Variants in RPIA observed in about 807,000 individuals in gnomAD.
The protein encoded by RPIA is ribose 5-phosphate isomerase A.
Under a neutral mutation model 37.8 loss-of-function variants are expected in RPIA, and 29 were observed. The ratio of observed to expected loss-of-function variants is 0.77; its 90% confidence interval spans 0.57 to 1.05. The LOEUF is 1.05. RPIA is among the 50% of genes least tolerant of loss of function. The probability of loss-of-function intolerance (pLI) is 0.00; values close to 1 mark genes in which losing one functional copy is unlikely to be tolerated. For synonymous variants in RPIA, 167 were observed against 157.0 expected (o/e 1.06, Z -0.48); for missense variants, 385 against 413.6 (o/e 0.93, Z 0.60).
At chr2:88,736,174 A>G (rs1459850259) in intron 6 of RPIA, among the ~76,000 whole-genome samples, 2 of 152,206 alleles carry the variant, frequency 1.3e-5, no homozygotes, top group African/African-American at 4.8e-5. Context: ...GTCTTTGACC[A>G]GGCTCTCAGA....
intron 3 of RPIA, among the ~76,000 whole-genome samples, chr2:88,711,039 G>A (rs1219909522): frequency 6.6e-6 from 1 of 152,222 alleles, no homozygotes; most frequent in Non-Finnish European, 1.5e-5. Context: ...CCTGTTGATG[G>A]TGAAGCTCTT....
intron 3 of RPIA, 101 bp downstream of exon 3, chr2:88,700,165 C>A (rs1672810801): frequency 2.7e-6 from 3 of 1,127,174 alleles, no homozygotes; most frequent in Non-Finnish European, 2.7e-6. Flanking sequence ...CAAGGTTGTT[C>A]TAGGTCAGAG....
At chr2:88,736,214 C>G (rs773231060) in intron 6 of RPIA, among the ~76,000 whole-genome samples, 1 of 152,202 alleles carries the variant, frequency 6.6e-6, no homozygotes, top group Admixed American at 6.5e-5. Flanking sequence ...GTCAAAAGCA[C>G]TTGTGCTGAG....
At chr2:88,694,312 G>T (rs577444897) in intron 1 of RPIA, among the ~76,000 whole-genome samples, 37 of 152,298 alleles carry the variant, frequency 2.4e-4, no homozygotes, top group African/African-American at 8.2e-4. Flanking sequence ...TGCAATTCCT[G>T]GTCTCTTTCA....
intron 1 of RPIA, among the ~76,000 whole-genome samples, chr2:88,698,084 CT>C (rs551033597): frequency 0.049 from 6,743 of 137,858 alleles, 186 homozygotes; most frequent in Non-Finnish European, 0.065. Flanking sequence ...TTCTTTCTTT[CT>C]TTTTTTTTTT....
Position 88,750,367 on chromosome 2 carries a change from A to C in RPIA, c.*289A>C. On this transcript the variant is annotated 3_prime_UTR_variant, in exon 9 of 9. Coordinates refer to ENST00000283646, the MANE Select transcript of RPIA (RefSeq NM_144563.3). Reference sequence around the variant, plus strand: ...ATATGAAATATTTACCAAAAAAAAAAAATGAGGTAAACTGTATTTAAAACC... The same window carrying C: ...ATATGAAATATTTACCAAAAAAAAACAATGAGGTAAACTGTATTTAAAACC... 1 of 420,864 alleles carries C rather than the reference A, an allele frequency of 2.4e-6. No homozygotes were observed. The highest frequency in any genetic ancestry group is 4.2e-6 in the Non-Finnish European group (1 of 238,462). The allele number at this position is 420,864 out of a possible 1,614,324, so 26.1% of individuals were successfully genotyped here.
At chr2:88,728,141 T>TAA (rs1247011718) in intron 3 of RPIA, among the ~76,000 whole-genome samples, 6 of 152,216 alleles carry the variant, frequency 3.9e-5, no homozygotes, top group Non-Finnish European at 8.8e-5. Flanking sequence ...ACAACAATAC[T>TAA]AAAAAGAGCA....
intron 8 of RPIA, 26 bp downstream of exon 8, chr2:88,738,102 A>G (rs757359784): frequency 2.6e-6 from 4 of 1,525,448 alleles, no homozygotes; most frequent in Non-Finnish European, 3.6e-6. Flanking sequence ...TTCACCAGTC[A>G]TATACACACC....
At chr2:88,740,433 A>AT (rs1178858958) in intron 8 of RPIA, among the ~76,000 whole-genome samples, 1 of 152,048 alleles carries the variant, frequency 6.6e-6, no homozygotes, top group Non-Finnish European at 1.5e-5. Context: ...ATCTTTTCTC[A>AT]TTTTTTCTTT....
In RPIA at chr2:88,691,892, C is replaced by T; in HGVS notation, c.194C>T (p.Ser65Phe). The T allele has an allele frequency of 7.5e-6, 12 of 1,596,482 alleles. No individual in the cohort carries two copies. Among genetic ancestry groups the T allele is most frequent in the Non-Finnish European group, 1.0e-5 (12 of 1,172,750 alleles). ...AACACAAGCACCAGCTGCGGGGACT[C>T]CAACAGCATCTGCCCGGCCCCCTCC... ...AGNTSTSCGD[S>F]NSICPAPSTM... The change falls in exon 1 of 9, where the codon TCC becomes TTC. Residue 65 changes from serine to phenylalanine, a missense_variant. By Grantham distance (155) the Ser-to-Phe change is radical (BLOSUM62 -2). Transcript: ENST00000283646.
At chr2:88,709,755 A>T (rs1016267508) in intron 3 of RPIA, among the ~76,000 whole-genome samples, 1 of 152,254 alleles carries the variant, frequency 6.6e-6, no homozygotes, top group Non-Finnish European at 1.5e-5. Context: ...ATTTAAAAAA[A>T]ATATAGCCAC....
intron 7 of RPIA, 83 bp downstream of exon 7, chr2:88,736,759 C>T (rs1468026146): frequency 6.7e-6 from 10 of 1,481,796 alleles, no homozygotes; most frequent in Non-Finnish European, 8.2e-6. Context: ...GCAGTTAGGT[C>T]ATGTGTGCTT....
intron 1 of RPIA, among the ~76,000 whole-genome samples, chr2:88,696,097 C>T (rs1458067667): frequency 6.6e-6 from 1 of 152,076 alleles, no homozygotes; most frequent in Non-Finnish European, 1.5e-5. Flanking sequence ...TTAGTTGTGG[C>T]CCTGCTTGTC....
Position 88,729,315 on chromosome 2 carries a change from G to C in RPIA, c.440G>C (p.Ser147Thr). The C allele has an allele frequency of 6.2e-7, 1 of 1,614,188 alleles. No individual in the cohort carries two copies. The highest frequency in any genetic ancestry group is 8.5e-7 in the Non-Finnish European group (1 of 1,180,034). Residue 147 changes from serine (S) to threonine (T), a missense_variant, in exon 4 of 9, where the codon AGT (serine) becomes ACT (threonine). This residue lies in a region of RPIA where 232 missense variants were observed against 203.0 expected (regional missense o/e 1.14). Coordinates refer to ENST00000283646, the MANE Select transcript of RPIA (RefSeq NM_144563.3). Reference sequence around the variant, plus strand: ...ATCCTGCAGTATGGCTTGACCCTCAGTGATCTGGATCGACACCCAGAGGTA... The same window carrying C: ...ATCCTGCAGTATGGCTTGACCCTCACTGATCTGGATCGACACCCAGAGGTA... ...QLILQYGLTLSDLDRHPEIDL... is the reference protein window; with the variant it reads ...QLILQYGLTLTDLDRHPEIDL...
At chr2:88,748,909 A>G (rs756266561) in intron 8 of RPIA, among the ~76,000 whole-genome samples, 2 of 151,960 alleles carry the variant, frequency 1.3e-5, no homozygotes, top group African/African-American at 2.4e-5. Flanking sequence ...TGCCATCTCT[A>G]TGTTATGTTT....
chr2:88,721,275 G>A (rs1400392672), intron 3 of RPIA, among the ~76,000 whole-genome samples: 1 of 151,662 alleles, frequency 6.6e-6, no homozygotes, highest in African/African-American at 2.4e-5. Flanking sequence ...GATGATGGGT[G>A]GATGGGTACA....
chr2:88,722,831 G>A (rs1458204810), intron 3 of RPIA, among the ~76,000 whole-genome samples: 1 of 152,156 alleles, frequency 6.6e-6, no homozygotes, highest in Non-Finnish European at 1.5e-5. Context: ...CCTTTGTTCT[G>A]AATTCTTTAA....
chr2:88,743,088 G>A (rs746025769), intron 8 of RPIA, among the ~76,000 whole-genome samples: 18 of 152,116 alleles, frequency 1.2e-4, no homozygotes, highest in East Asian at 1.9e-4. Flanking sequence ...TACTGGGTAT[G>A]TGAAACGGGG....
At chr2:88,713,873 A>T (rs1573466503) in intron 3 of RPIA, among the ~76,000 whole-genome samples, 1 of 138,722 alleles carries the variant, frequency 7.2e-6, no homozygotes. Context: ...TTTTCTGAAA[A>T]TTTTTCGTAG....
Sources: allele counts gnomAD v4.1 joint callset (sites outside exome capture counted in the v4.1 genomes callset), GRCh38; gene constraint gnomAD v4.1.1; regional missense constraint gnomAD v4.1.1; transcripts MANE v1.5; gene names NCBI Gene and HGNC (gene_info 2026-07-23, HGNC 2026-07-21).